KHDRBS2: variants seen among roughly 807,000 people sequenced by gnomAD.
The protein encoded by KHDRBS2 is KH RNA binding domain containing, signal transduction associated 2.
A neutral mutation model predicts 44.3 loss-of-function variants in KHDRBS2; 26 were observed. The ratio of observed to expected loss-of-function variants is 0.59; its 90% CI spans 0.43 to 0.81. KHDRBS2 has a LOEUF of 0.81. Among genes scored for constraint, KHDRBS2 ranks in the 40% least tolerant of loss-of-function variants. The pLI, the probability that KHDRBS2 is intolerant of heterozygous loss-of-function variation, is 0.00. For synonymous variants in KHDRBS2, 194 were observed against 151.1 expected (o/e 1.28, Z -2.08); for missense variants, 476 against 433.1 (o/e 1.10, Z -0.88).
At chr6:62,163,642 G>C (rs1818098363) in intron 2 of KHDRBS2, among the ~76,000 whole-genome samples, 1 of 152,046 alleles carries the variant, frequency 6.6e-6, no homozygotes, top group African/African-American at 2.4e-5. Context: ...TTATCTCAAT[G>C]CCTCCTCAGA....
chr6:62,045,823 T>C (rs1787548006), intron 3 of KHDRBS2, among the ~76,000 whole-genome samples: 2 of 151,886 alleles, frequency 1.3e-5, no homozygotes, highest in Admixed American at 1.3e-4. Flanking sequence ...CAAGGATTTA[T>C]CTTTTATTTT....
At chr6:61,894,907 A>G (rs1802656952) in intron 5 of KHDRBS2, 74 bp from the exon 6 acceptor site, 1 of 938,870 alleles carries the variant, frequency 1.1e-6, no homozygotes. Flanking sequence ...AAAAGTTTTC[A>G]TCTCACAGCC....
At position 62,108,869 on chromosome 6, in the gene KHDRBS2, TCTCA is replaced by T. The variant is rs575058907; in HGVS notation, c.220-60879_220-60876del. Among the ~76,000 whole-genome samples the T allele has an allele frequency of 5.9e-5, 9 of 152,204 alleles. No individual in the cohort carries two copies. The South Asian group carries it at 1.5e-3, about 25-fold the overall frequency. ...GGACAAAAAACCAAACACCGCATGT[TCTCA>T]CTCATAGGTGGGAATTGAACAATGA... On this transcript the variant is annotated intron_variant, in intron 2 of 8. Coordinates refer to ENST00000281156, the MANE Select transcript of KHDRBS2 (RefSeq NM_152688.4).
intron 2 of KHDRBS2, among the ~76,000 whole-genome samples, chr6:62,152,790 T>A (rs1369555198): frequency 2.0e-5 from 3 of 152,170 alleles, no homozygotes; most frequent in African/African-American, 7.2e-5. Flanking sequence ...GTCATTCACA[T>A]ACACACACTA....
At chr6:62,240,162 T>C (rs1834366606) in intron 1 of KHDRBS2, among the ~76,000 whole-genome samples, 1 of 152,148 alleles carries the variant, frequency 6.6e-6, no homozygotes, top group Non-Finnish European at 1.5e-5. Context: ...ATACATTATA[T>C]TTTGGGTTAT....
the KHDRBS2 span, among the ~76,000 whole-genome samples, chr6:61,570,245 T>C: frequency 1.3e-5 from 2 of 151,952 alleles, no homozygotes; most frequent in Admixed American, 1.3e-4. Context: ...CTTCCAGAAA[T>C]GAAAGACACA....
chr6:62,189,039 C>T (rs577346135), intron 1 of KHDRBS2, among the ~76,000 whole-genome samples: 64 of 152,042 alleles, frequency 4.2e-4, no homozygotes, highest in Middle Eastern at 3.4e-3. Context: ...TGCTTGAACA[C>T]GGGAGGTGGA....
chr6:61,662,644 A>G, the KHDRBS2 span, among the ~76,000 whole-genome samples: 2 of 152,064 alleles, frequency 1.3e-5, no homozygotes, highest in Non-Finnish European at 2.9e-5. Context: ...AAAACACATG[A>G]AAAAATGCTC....
intron 4 of KHDRBS2, among the ~76,000 whole-genome samples, chr6:61,955,678 A>G (rs1230622653): frequency 2.8e-4 from 40 of 143,968 alleles, no homozygotes; most frequent in South Asian, 4.3e-4. Context: ...ATGTACACAT[A>G]TGTATGTATA....
chr6:62,175,464 GAA>G (rs1217643889), intron 2 of KHDRBS2, among the ~76,000 whole-genome samples: 2 of 151,494 alleles, frequency 1.3e-5, no homozygotes, highest in African/African-American at 4.8e-5. Flanking sequence ...CGAAAATGAA[GAA>G]TCTAAAATTA....
chr6:62,142,588 A>G (rs1311678014), intron 2 of KHDRBS2, among the ~76,000 whole-genome samples: 2 of 152,062 alleles, frequency 1.3e-5, no homozygotes, highest in Admixed American at 1.3e-4. Flanking sequence ...CTAGAACACC[A>G]CAATGAAATA....
chr6:62,210,053 T>C (rs1191645718), intron 1 of KHDRBS2, among the ~76,000 whole-genome samples: 1 of 152,140 alleles, frequency 6.6e-6, no homozygotes, highest in Non-Finnish European at 1.5e-5. Context: ...CCCCTTCATA[T>C]ATACATCTAT....
intron 1 of KHDRBS2, among the ~76,000 whole-genome samples, chr6:62,257,618 AG>A (rs1205916244): frequency 1.3e-5 from 2 of 152,040 alleles, no homozygotes; most frequent in African/African-American, 2.4e-5. Context: ...ATCTGGGCAG[AG>A]GTGGCCCCTG....
intron 6 of KHDRBS2, among the ~76,000 whole-genome samples, chr6:61,864,528 A>C (rs1797506041): frequency 6.6e-6 from 1 of 152,150 alleles, no homozygotes; most frequent in Non-Finnish European, 1.5e-5. Context: ...TATGAGGCTT[A>C]ATTTGGCTGG....
At chr6:61,610,820 G>T in the KHDRBS2 span, among the ~76,000 whole-genome samples, 2 of 152,164 alleles carry the variant, frequency 1.3e-5, no homozygotes, top group African/African-American at 4.8e-5. Flanking sequence ...GGTCTCACAC[G>T]TTGAGAAGTA....
intron 6 of KHDRBS2, among the ~76,000 whole-genome samples, chr6:61,891,538 A>C (rs1801840904): frequency 6.6e-6 from 1 of 152,148 alleles, no homozygotes; most frequent in Non-Finnish European, 1.5e-5. Context: ...CTCTGGTAAA[A>C]TTCGGCTGTG....
chr6:61,697,199 G>T lies in KHDRBS2; in HGVS notation c.948C>A (p.Ser316Arg). Reference sequence around the variant, plus strand: ...TTAGTAAAGAAAAGGTCTTACCGTAGCTGTCATAGGCATCCTCACTTACTC... The same window carrying T: ...TTAGTAAAGAAAAGGTCTTACCGTATCTGTCATAGGCATCCTCACTTACTC... Reference protein sequence around the residue: ...GHGVSEDAYDSYAPEEWATTR... With the variant: ...GHGVSEDAYDRYAPEEWATTR... Residue 316 changes from serine (S) to arginine (R), a missense_variant, in exon 8 of 9, where the codon AGC (serine) becomes AGA (arginine). Ser to Arg is a moderately radical substitution (Grantham distance 110). Transcript: ENST00000281156. 1.2e-6 allele frequency: 2 copies of T among 1,601,256 alleles called. No individual in the cohort carries two copies. Among genetic ancestry groups the T allele is most frequent in the Non-Finnish European group, 1.7e-6 (2 of 1,168,514 alleles).
At chr6:62,066,285 G>A (rs534727376) in intron 2 of KHDRBS2, among the ~76,000 whole-genome samples, 7 of 151,730 alleles carry the variant, frequency 4.6e-5, no homozygotes, top group African/African-American at 9.6e-5. Context: ...CATCTGTAGA[G>A]GTACCTGACT....
chr6:62,178,401 A>G (rs1821582154), intron 1 of KHDRBS2, among the ~76,000 whole-genome samples: 1 of 151,654 alleles, frequency 6.6e-6, no homozygotes, highest in African/African-American at 2.4e-5. Context: ...CCTGTAGAAT[A>G]CATGATGTTT....
Sources: allele counts gnomAD v4.1 joint callset (sites outside exome capture counted in the v4.1 genomes callset), GRCh38; gene constraint gnomAD v4.1.1; transcripts MANE v1.5; gene names NCBI Gene and HGNC (gene_info 2026-07-23, HGNC 2026-07-21).